Variants in CUL5 observed in about 807,000 individuals in gnomAD.
CUL5 encodes the protein cullin-5.
A neutral mutation model predicts 108.8 loss-of-function variants in CUL5; 26 were observed. That is an observed-to-expected ratio of 0.24 (90% CI 0.18 to 0.33). CUL5 has a LOEUF of 0.33. CUL5 is among the 10% of genes least tolerant of loss of function. The pLI, the probability that CUL5 is intolerant of heterozygous loss-of-function variation, is 1.00. For missense variants in CUL5, 524 were observed against 909.2 expected (o/e 0.58, Z 5.45); for synonymous variants, 334 against 298.0 (o/e 1.12, Z -1.25).
At chr11:108,037,054 A>G (rs535646742) in intron 2 of CUL5, among the ~76,000 whole-genome samples, 9 of 151,788 alleles carry the variant, frequency 5.9e-5, no homozygotes, top group Admixed American at 1.3e-4. Context: ...AACTTTTAAC[A>G]TTTTTGGTCC....
At chr11:108,042,983 G>T (rs548261937) in intron 2 of CUL5, among the ~76,000 whole-genome samples, 1 of 152,106 alleles carries the variant, frequency 6.6e-6, no homozygotes. Context: ...GGTTGGTTGC[G>T]AACTCCTGGC....
intron 2 of CUL5, among the ~76,000 whole-genome samples, chr11:108,039,608 C>T (rs764556437): frequency 1.3e-5 from 2 of 152,220 alleles, no homozygotes; most frequent in Non-Finnish European, 2.9e-5. Flanking sequence ...AACAGAAGCT[C>T]TGTACCCATT....
At chr11:108,092,024 C>CT (rs1323927475) in intron 13 of CUL5, among the ~76,000 whole-genome samples, 1 of 152,116 alleles carries the variant, frequency 6.6e-6, no homozygotes, top group African/African-American at 2.4e-5. Flanking sequence ...GTGGTTCTAG[C>CT]TACTCAGGAG....
In CUL5 at chr11:108,078,298, G is replaced by T. The variant is rs1863990009; in HGVS notation, c.1178+58G>T. On this transcript the variant is annotated intron_variant, in intron 11 of 18. Coordinates refer to ENST00000393094, the MANE Select transcript of CUL5 (RefSeq NM_003478.6). The stretch of plus-strand genomic sequence containing the variant: ...TTAAATTTTCTTTAGTGTAATAGGG[G>T]TTAACTAGGTATACAAAGTACCCTG... 3 of 916,502 alleles carry T rather than the reference G, an allele frequency of 3.3e-6. No individual in the cohort carries two copies. In the Admixed American group the frequency reaches 7.1e-5, roughly 22 times the overall value. The allele number at this position is 916,502 out of a possible 1,614,324, so 56.8% of individuals were successfully genotyped here. A position where few individuals can be genotyped will look rare whatever the true frequency, so the allele number is the denominator to read the frequency against.
chr11:108,090,688 T>G (rs1290735803), intron 13 of CUL5, among the ~76,000 whole-genome samples: 2 of 152,198 alleles, frequency 1.3e-5, no homozygotes, highest in African/African-American at 4.8e-5. Flanking sequence ...ATAAAGTATT[T>G]TGAGTTCTTT....
intron 1 of CUL5, among the ~76,000 whole-genome samples, chr11:108,012,392 C>T (rs550919423): frequency 4.6e-5 from 7 of 152,004 alleles, no homozygotes; most frequent in African/African-American, 1.4e-4. Context: ...CTTCCTTGGT[C>T]GATACCAAAC....
At chr11:108,036,406 A>C (rs1047452126) in intron 2 of CUL5, among the ~76,000 whole-genome samples, 5 of 152,204 alleles carry the variant, frequency 3.3e-5, no homozygotes, top group African/African-American at 1.2e-4. Context: ...ATATTATGTC[A>C]GTTTTGATTA....
chr11:108,024,233 A>G (rs1862402431), intron 1 of CUL5, among the ~76,000 whole-genome samples: 1 of 152,134 alleles, frequency 6.6e-6, no homozygotes, highest in Admixed American at 6.5e-5. Flanking sequence ...AATCTAACTT[A>G]ATCTCAGGTT....
At chr11:108,045,318 C>CA (rs1231127717) in intron 2 of CUL5, among the ~76,000 whole-genome samples, 1 of 152,050 alleles carries the variant, frequency 6.6e-6, no homozygotes, top group African/African-American at 2.4e-5. Context: ...TTTAAAAAGA[C>CA]AAAATAGGCT....
At chr11:108,093,435 A>G (rs1864406723) in intron 13 of CUL5, among the ~76,000 whole-genome samples, 1 of 152,220 alleles carries the variant, frequency 6.6e-6, no homozygotes, top group Admixed American at 6.5e-5. Flanking sequence ...TAAGTTCCTC[A>G]ACACTGGCAT....
At chr11:108,027,383 C>T (rs1862477968) in intron 1 of CUL5, among the ~76,000 whole-genome samples, 1 of 151,976 alleles carries the variant, frequency 6.6e-6, no homozygotes, top group East Asian at 1.9e-4. Context: ...GCAATTCTCC[C>T]ACCTCAGCCT....
intron 1 of CUL5, among the ~76,000 whole-genome samples, chr11:108,023,577 C>G (rs763465242): frequency 6.6e-6 from 1 of 152,074 alleles, no homozygotes; most frequent in Admixed American, 6.6e-5. Flanking sequence ...TGGGACCCTT[C>G]GGGAGTCCAT....
intron 12 of CUL5, among the ~76,000 whole-genome samples, 165 bp from the exon 13 acceptor site, chr11:108,089,327 G>A (rs1410185808): frequency 6.6e-6 from 1 of 152,158 alleles, no homozygotes; most frequent in Non-Finnish European, 1.5e-5. Flanking sequence ...TTAAAGTAGT[G>A]TATCAGGACT....
intron 1 of CUL5, among the ~76,000 whole-genome samples, chr11:108,032,785 T>TA (rs1439912417): frequency 2.0e-5 from 3 of 152,174 alleles, no homozygotes; most frequent in South Asian, 2.1e-4. Context: ...TTCCATTTCT[T>TA]ACGCTTTTCT....
At chr11:108,012,060 A>G (rs1391050675) in intron 1 of CUL5, among the ~76,000 whole-genome samples, 1 of 152,118 alleles carries the variant, frequency 6.6e-6, no homozygotes, top group Non-Finnish European at 1.5e-5. Flanking sequence ...TATACAGTTA[A>G]CTGCTTAGGG....
chr11:108,029,048 C>T (rs1862516485), intron 1 of CUL5, among the ~76,000 whole-genome samples: 1 of 152,296 alleles, frequency 6.6e-6, no homozygotes, highest in South Asian at 2.1e-4. Flanking sequence ...ATGTTTCTAT[C>T]TTATGTTCTT....
chr11:108,059,422 A>G (rs1863478222), intron 7 of CUL5, among the ~76,000 whole-genome samples: 1 of 152,188 alleles, frequency 6.6e-6, no homozygotes, highest in South Asian at 2.1e-4. Context: ...AGTCTTGATC[A>G]CTTCAGAATG....
intron 7 of CUL5, among the ~76,000 whole-genome samples, chr11:108,067,813 CCT>C (rs1304003536): frequency 3.3e-5 from 5 of 152,132 alleles, no homozygotes; most frequent in African/African-American, 1.2e-4. Context: ...TTTAGTTGGG[CCT>C]ATTCCAGTGA....
intron 1 of CUL5, among the ~76,000 whole-genome samples, chr11:108,017,889 A>G (rs1432012426): frequency 2.0e-5 from 3 of 152,006 alleles, no homozygotes; most frequent in African/African-American, 7.2e-5. Context: ...TATTTTACTC[A>G]CTTATTTACA....
Sources: allele counts gnomAD v4.1 joint callset (sites outside exome capture counted in the v4.1 genomes callset), GRCh38; gene constraint gnomAD v4.1.1; transcripts MANE v1.5; gene names NCBI Gene and HGNC (gene_info 2026-07-23, HGNC 2026-07-21).